TNNI3: variants seen among roughly 807,000 people sequenced by gnomAD.
TNNI3 encodes troponin I, cardiac muscle.
In TNNI3, 23 loss-of-function variants were observed where a neutral mutation model predicts 31.5. That is an observed-to-expected ratio of 0.73 (90% CI 0.52 to 1.03). The LOEUF is 1.03. Ranked by LOEUF, TNNI3 falls within the 50% of genes least tolerant of loss-of-function variation. TNNI3 has a pLI of 0.00. For missense variants in TNNI3, 236 were observed against 282.9 expected (o/e 0.83, Z 1.19); for synonymous variants, 120 against 111.7 (o/e 1.07, Z -0.47).
chr19:55,154,813 G>C lies in TNNI3; in HGVS notation c.300C>G (p.Leu100=), dbSNP rs772145171. Residue 100 remains leucine (L), a synonymous_variant, in exon 6 of 8, where the codon CTC becomes CTG. Coordinates refer to ENST00000344887, the MANE Select transcript of TNNI3 (RefSeq NM_000363.5). ...CATCCACCTTGTCCACACGGGCGTG[G>C]AGCTGTCGGCACAAGTCCTGGAGGA... ...FAELQDLCRQ[L]HARVDKVDEE... 3.7e-6 allele frequency: 6 copies of C among 1,614,084 alleles called. No homozygotes were observed. Among genetic ancestry groups the C allele is most frequent in the South Asian group, 2.2e-5 (2 of 91,088 alleles).
rs752407016 is a variant in TNNI3, at chr19:55,157,607, G to A, written c.-18C>T. 1 of 1,613,976 alleles carries A rather than the reference G, an allele frequency of 6.2e-7. No individual in the cohort carries two copies. Among genetic ancestry groups the A allele is most frequent in the South Asian group, 1.1e-5 (1 of 91,072 alleles). On this transcript the variant is annotated 5_prime_UTR_variant, in exon 1 of 8. Transcript: ENST00000344887. The surrounding 1 kb of genome is among the most constrained non-coding windows in gnomAD (Gnocchi z 6.3). ...TCCGCCATGCTGAGACTCAGGCCGG[G>A]AATGGCAGGAGGCAGGGCGAGGACA...
Position 55,156,590 on chromosome 19 carries a change from C to T in TNNI3, c.150+13G>A, listed in dbSNP as rs73617692. On this transcript the variant is annotated intron_variant, in intron 4 of 7. Transcript: ENST00000344887. The surrounding 1 kb of genome is among the most constrained non-coding windows in gnomAD (Gnocchi z 4.6). The stretch of plus-strand genomic sequence containing the variant: ...GCACCTGCCTGCTCTTTCCCAGTCC[C>T]GCCCGTCCTCACCTTCAGCTGCAAT... The T allele has an allele frequency of 0.015, 22,908 of 1,560,062 alleles. 2,141 individuals are homozygous for T. The African/African-American group carries it at 0.23, about 16-fold the overall frequency.
chr19:55,157,423 G>A lies in TNNI3; in HGVS notation c.12-115C>T. ...CGGGGGACCGCGCTTCCCCTTCCTT[G>A]GGTTCCAGGAGTCTGACTCGCAAAC... On this transcript the variant is annotated intron_variant, in intron 1 of 7. Transcript: ENST00000344887. The surrounding 1 kb of genome is among the most constrained non-coding windows in gnomAD (Gnocchi z 6.3). The A allele has an allele frequency of 6.3e-7, 1 of 1,592,522 alleles. No homozygotes were observed. Among genetic ancestry groups the A allele is most frequent in the South Asian group, 1.1e-5 (1 of 90,222 alleles).
In TNNI3 at chr19:55,154,092, C is replaced by T; in HGVS notation, c.487G>A (p.Ala163Thr). 6.2e-7 allele frequency: 1 copy of T among 1,613,110 alleles called. No homozygotes were observed. Among genetic ancestry groups the T allele is most frequent in the Non-Finnish European group, 8.5e-7 (1 of 1,180,006 alleles). ...GCCCGCAGGTCCAGGGACTCCTTAG[C>T]CCGGGCCCCCAGCAGCGCCTGCATC... ...AMMQALLGARAKESLDLRAHL... is the reference protein window; with the variant it reads ...AMMQALLGARTKESLDLRAHL... Residue 163 changes from alanine to threonine, a missense_variant, in exon 7 of 8, where the codon GCT becomes ACT. Around this residue, in one of 4 missense-constraint regions of TNNI3, gnomAD observed 34 missense variants for 52.7 expected, o/e 0.65. Coordinates refer to ENST00000344887, the MANE Select transcript of TNNI3 (RefSeq NM_000363.5).
In TNNI3 at chr19:55,152,642, T is replaced by A. The variant is rs1458651381; in HGVS notation, c.550-725A>T. On this transcript the variant is annotated intron_variant, in intron 7 of 7. Coordinates refer to ENST00000344887, the MANE Select transcript of TNNI3 (RefSeq NM_000363.5). The surrounding 1 kb of genome is among the most constrained non-coding windows in gnomAD (Gnocchi z 4.0). ...TGTTCTATTTTATTATTATTATTAT[T>A]TGAGACAGGGTCTGGCTGCCTCATC... is the stretch of plus-strand genomic sequence containing the variant. Among the ~76,000 whole-genome samples, 1 of 152,190 alleles carries A rather than the reference T, an allele frequency of 6.6e-6. No individual in the cohort carries two copies. The highest frequency in any genetic ancestry group is 2.4e-5 in the African/African-American group (1 of 41,434).
At position 55,155,051 on chromosome 19, in the gene TNNI3, G is replaced by C. The variant is rs140633085; in HGVS notation, c.283-221C>G. Reference sequence around the variant, plus strand: ...TGGGGGCCTGGACTCCTGGGTCTGAGGGAGGAGGGGCTGAGGGCCTCGATT... The same window carrying C: ...TGGGGGCCTGGACTCCTGGGTCTGACGGAGGAGGGGCTGAGGGCCTCGATT... On this transcript the variant is annotated intron_variant, in intron 5 of 7. Transcript: ENST00000344887. 0.014 allele frequency among the ~76,000 whole-genome samples: 2,022 copies of C among 140,748 alleles called. 113 individuals carry two copies. Among genetic ancestry groups the C allele is most frequent in the African/African-American group, 0.054 (1,912 of 35,430 alleles). 92.3% of individuals were successfully genotyped at this position (140,748 alleles called of 152,430 possible).
intron 7 of TNNI3, among the ~76,000 whole-genome samples, chr19:55,153,053 C>T (rs771466736): frequency 6.6e-6 from 1 of 151,996 alleles, no homozygotes; most frequent in Non-Finnish European, 1.5e-5. Flanking sequence ...CCGCCTTGGC[C>T]TCCCAAAGCG....
At position 55,157,716 on chromosome 19, in the gene TNNI3, G is replaced by T; in HGVS notation, c.-127C>A. 9.6e-7 allele frequency: 1 copy of T among 1,045,588 alleles called. No individual in the cohort carries two copies. The allele number at this position is 1,045,588 out of a possible 1,614,324, so 64.8% of individuals were successfully genotyped here. ...CGTCAGTCTCCTCCGGGCTGCTTGA[G>T]ACTCCCCGAGGACACTGAGATAAAG... On this transcript the variant is annotated 5_prime_UTR_variant, in exon 1 of 8. Transcript: ENST00000344887. The surrounding 1 kb of genome is among the most constrained non-coding windows in gnomAD (Gnocchi z 6.3).
Position 55,157,070 on chromosome 19 carries a change from C to CA in TNNI3, c.87dup (p.Ala30CysfsTer11). 1 of 1,599,008 alleles carries CA rather than the reference C, an allele frequency of 6.3e-7. No homozygotes were observed. The highest frequency in any genetic ancestry group is 8.5e-7 in the Non-Finnish European group (1 of 1,175,104). The stretch of plus-strand genomic sequence containing the variant: ...CCCACCTTGGCGTGCGGCTCCGTGG[C>CA]ATAAGCGCGGTAGTTGGAGGAGCGG... On this transcript the variant is annotated frameshift_variant, in exon 3 of 8. Coordinates refer to ENST00000344887, the MANE Select transcript of TNNI3 (RefSeq NM_000363.5). LOFTEE classifies it high-confidence loss of function. This position sits in a 1 kb window ranked among gnomAD's most constrained non-coding sequence, Gnocchi z 6.3.
In TNNI3 at chr19:55,151,812, C is replaced by T. The variant is rs55792205; in HGVS notation, c.*22G>A. On this transcript the variant is annotated 3_prime_UTR_variant, in exon 8 of 8. Coordinates refer to ENST00000344887, the MANE Select transcript of TNNI3 (RefSeq NM_000363.5). The stretch of plus-strand genomic sequence containing the variant: ...TTATTCCTCAGGGCCCTCCTCAGGG[C>T]AGGGGCAGTAGGCAGGAAGGCTCAG... 6.2e-7 allele frequency: 1 copy of T among 1,610,808 alleles called. No individual in the cohort carries two copies. The highest frequency in any genetic ancestry group is 1.1e-5 in the South Asian group (1 of 91,020).
Position 55,154,776 on chromosome 19 carries a change from C to A in TNNI3, c.337G>T (p.Asp113Tyr). 7 of 1,614,190 alleles carry A rather than the reference C, an allele frequency of 4.3e-6. No individual in the cohort carries two copies. Among genetic ancestry groups the A allele is most frequent in the Non-Finnish European group, 5.9e-6 (7 of 1,180,010 alleles). Residue 113 changes from aspartate (D) to tyrosine (Y), a missense_variant, in exon 6 of 8, where the codon GAC (aspartate) becomes TAC (tyrosine). Asp to Tyr is a radical substitution (Grantham distance 160). This residue lies in a region of TNNI3 where 172 missense variants were observed against 171.8 expected (regional missense o/e 1.00). Coordinates refer to ENST00000344887, the MANE Select transcript of TNNI3 (RefSeq NM_000363.5). Reference sequence around the variant, plus strand: ...TTCTTGGTGACTTTTGCCTCTATGTCGTATCTCTCTTCATCCACCTTGTCC... The same window carrying A: ...TTCTTGGTGACTTTTGCCTCTATGTAGTATCTCTCTTCATCCACCTTGTCC... ...RVDKVDEERY[D>Y]IEAKVTKNIT... is the part of the protein sequence containing the mutation.
chr19:55,156,894 C>T lies in TNNI3; in HGVS notation c.108+156G>A. ...GCAACGGAGTTCCGCCCGCAGGCTG[C>T]TGTCACCAATCCGAGCATGACCCTC... On this transcript the variant is annotated intron_variant, in intron 3 of 7. Transcript: ENST00000344887. This position sits in a 1 kb window ranked among gnomAD's most constrained non-coding sequence, Gnocchi z 4.6. The T allele has an allele frequency of 1.0e-6, 1 of 956,438 alleles. No individual in the cohort carries two copies. The highest frequency in any genetic ancestry group is 1.6e-6 in the Non-Finnish European group (1 of 620,886). The allele number at this position is 956,438 out of a possible 1,614,324, so 59.2% of individuals were successfully genotyped here.
chr19:55,156,863 C>T lies in TNNI3; in HGVS notation c.108+187G>A. 8.2e-6 allele frequency: 7 copies of T among 857,364 alleles called. No individual in the cohort carries two copies. In the South Asian group the frequency reaches 8.9e-5, roughly 11 times the overall value. 53.1% of individuals were successfully genotyped at this position (857,364 alleles called of 1,614,324 possible). On this transcript the variant is annotated intron_variant, in intron 3 of 7. Transcript: ENST00000344887. The surrounding 1 kb of genome is among the most constrained non-coding windows in gnomAD (Gnocchi z 4.6). ...ACTTCCCATCTATCCCTAAGCAAGT[C>T]CGAGGGCAACGGAGTTCCGCCCGCA...
Position 55,157,112 on chromosome 19 carries a change from G to T in TNNI3, c.46C>A (p.Pro16Thr). The change falls in exon 3 of 8, where the codon CCA becomes ACA. Residue 16 changes from proline to threonine, a missense_variant. By Grantham distance (38) the Pro-to-Thr change is conservative. This residue lies in a region of TNNI3 where 172 missense variants were observed against 171.8 expected (regional missense o/e 1.00). Transcript: ENST00000344887. This position sits in a 1 kb window ranked among gnomAD's most constrained non-coding sequence, Gnocchi z 6.3. ...SDAAREPRPA[P>T]APIRRRSSNY... The stretch of plus-strand genomic sequence containing the variant: ...GAGGAGCGGCGTCTGATTGGGGCTG[G>T]TGCAGGGCGAGGTTCCCTAGCCTGG... 1.2e-6 allele frequency: 2 copies of T among 1,602,614 alleles called. No homozygotes were observed. The highest frequency in any genetic ancestry group is 1.7e-6 in the Non-Finnish European group (2 of 1,176,318).
At position 55,152,415 on chromosome 19, in the gene TNNI3, TAAAC is replaced by T. The variant is rs1406820512; in HGVS notation, c.550-502_550-499del. Among the ~76,000 whole-genome samples, 5 of 152,212 alleles carry T rather than the reference TAAAC, an allele frequency of 3.3e-5. No individual in the cohort carries two copies. The highest frequency in any genetic ancestry group is 2.1e-4 in the South Asian group (1 of 4,832). ...AATATTAAATGGAAAATTCCAGAAA[TAAAC>T]AATTCATAAGTTTGATGGATTCTCA... On this transcript the variant is annotated intron_variant, in intron 7 of 7. Transcript: ENST00000344887. The surrounding 1 kb of genome is among the most constrained non-coding windows in gnomAD (Gnocchi z 4.0).
Position 55,156,525 on chromosome 19 carries a change from A to T in TNNI3, c.150+78T>A, listed in dbSNP as rs929154618. The T allele has an allele frequency of 2.3e-5, 35 of 1,515,400 alleles. No individual in the cohort carries two copies. Among genetic ancestry groups the T allele is most frequent in the Non-Finnish European group, 3.0e-5 (34 of 1,124,976 alleles). 93.9% of individuals were successfully genotyped at this position (1,515,400 alleles called of 1,614,324 possible). A position where few individuals can be genotyped will look rare whatever the true frequency, so the allele number is the denominator to read the frequency against. On this transcript the variant is annotated intron_variant, in intron 4 of 7. Transcript: ENST00000344887. This position sits in a 1 kb window ranked among gnomAD's most constrained non-coding sequence, Gnocchi z 4.6. The stretch of plus-strand genomic sequence containing the variant: ...AAACCCCGCCCACTTCCGCCCACCT[A>T]CCCCGAAAGCCCCACCCATTCTCAA...
Position 55,156,959 on chromosome 19 carries a change from G to C in TNNI3, c.108+91C>G. On this transcript the variant is annotated intron_variant, in intron 3 of 7. Coordinates refer to ENST00000344887, the MANE Select transcript of TNNI3 (RefSeq NM_000363.5). The surrounding 1 kb of genome is among the most constrained non-coding windows in gnomAD (Gnocchi z 4.6). ...CCTGAAGCCCCTCCGCGTAGTCCCC[G>C]CCCCCTTCGCAGCCCTGGCTCCTCC... The C allele has an allele frequency of 2.2e-6, 3 of 1,385,800 alleles. No homozygotes were observed. Among genetic ancestry groups the C allele is most frequent in the African/African-American group, 2.9e-5 (2 of 70,068 alleles). 85.8% of individuals were successfully genotyped at this position (1,385,800 alleles called of 1,614,324 possible).
chr19:55,156,568 C>T lies in TNNI3; in HGVS notation c.150+35G>A, dbSNP rs762970297. 11 of 1,554,754 alleles carry T rather than the reference C, an allele frequency of 7.1e-6. No homozygotes were observed. In the African/African-American group the frequency reaches 1.5e-4, roughly 21 times the overall value. On this transcript the variant is annotated intron_variant, in intron 4 of 7. Coordinates refer to ENST00000344887, the MANE Select transcript of TNNI3 (RefSeq NM_000363.5). The surrounding 1 kb of genome is among the most constrained non-coding windows in gnomAD (Gnocchi z 4.6). ...ATTCTCAAGCTCCGCCCCCTGAGCA[C>T]CTGCCTGCTCTTTCCCAGTCCCGCC...
In TNNI3 at chr19:55,156,970, A is replaced by T; in HGVS notation, c.108+80T>A. 10 of 1,449,710 alleles carry T rather than the reference A, an allele frequency of 6.9e-6. No homozygotes were observed. The highest frequency in any genetic ancestry group is 9.4e-6 in the Non-Finnish European group (10 of 1,067,404). The allele number at this position is 1,449,710 out of a possible 1,614,324, so 89.8% of individuals were successfully genotyped here. ...TCCGCGTAGTCCCCGCCCCCTTCGCAGCCCTGGCTCCTCCCCCCACTCCCA... is the reference window on the plus strand; with the variant it reads ...TCCGCGTAGTCCCCGCCCCCTTCGCTGCCCTGGCTCCTCCCCCCACTCCCA... On this transcript the variant is annotated intron_variant, in intron 3 of 7. Coordinates refer to ENST00000344887, the MANE Select transcript of TNNI3 (RefSeq NM_000363.5). This position sits in a 1 kb window ranked among gnomAD's most constrained non-coding sequence, Gnocchi z 4.6.
Sources: allele counts gnomAD v4.1 joint callset (sites outside exome capture counted in the v4.1 genomes callset), GRCh38; gene constraint gnomAD v4.1.1; regional missense constraint gnomAD v4.1.1; non-coding constraint Gnocchi (gnomAD v3.1); transcripts MANE v1.5; gene names NCBI Gene and HGNC (gene_info 2026-07-23, HGNC 2026-07-21).